The following ZNF416 variants were observed in gnomAD, a reference collection of about 807,000 sequenced individuals.
ZNF416 encodes zinc finger protein 416.
A neutral mutation model predicts 10.9 loss-of-function variants in ZNF416; 5 were observed. The ratio of observed to expected loss-of-function variants is 0.46; its 90% confidence interval spans 0.24 to 0.97. The LOEUF is 0.97. ZNF416 is among the 50% of genes least tolerant of loss of function. ZNF416 has a pLI of 0.19. For synonymous variants in ZNF416, 267 were observed against 251.8 expected (o/e 1.06, Z -0.57); for missense variants, 675 against 715.0 (o/e 0.94, Z 0.64).
chr19:57,572,224 T>C lies in ZNF416; in HGVS notation c.1680A>G (p.Thr560=), dbSNP rs368404519. The C allele has an allele frequency of 6.2e-7, 1 of 1,614,220 alleles. No individual in the cohort carries two copies. Among genetic ancestry groups the C allele is most frequent in the Non-Finnish European group, 8.5e-7 (1 of 1,180,042 alleles). ...GGTGGAGAATGAGGCCAGAGTGTTG[T>C]GTAAAGGACTTCCCACATTTGCCAC... ...YECGKCGKSF[T]QHSGLILHRK... is the part of the protein sequence containing the mutation. Residue 560 remains threonine, a synonymous_variant, in exon 4 of 4, where the codon ACA becomes ACG. Coordinates refer to ENST00000196489, the MANE Select transcript of ZNF416 (RefSeq NM_017879.3). This position sits in a 1 kb window ranked among gnomAD's most constrained non-coding sequence, Gnocchi z 4.5.
intron 2 of ZNF416, among the ~76,000 whole-genome samples, chr19:57,576,374 T>A (rs533676566): frequency 1.4e-4 from 22 of 152,202 alleles, no homozygotes; most frequent in African/African-American, 5.3e-4. Flanking sequence ...CCACGGCTAT[T>A]TCCACCCTGT....
rs539271032 is a variant in ZNF416, at chr19:57,573,761, T to C, written c.203-60A>G. 38 of 1,530,368 alleles carry C rather than the reference T, an allele frequency of 2.5e-5. No individual in the cohort carries two copies. In the South Asian group the frequency reaches 4.7e-4, roughly 19 times the overall value. The allele number at this position is 1,530,368 out of a possible 1,614,324, so 94.8% of individuals were successfully genotyped here. ...GACTATGATGGGAGTGTATTAGTCA[T>C]TTAAAAAACTATTTTCTGAATAATT... On this transcript the variant is annotated intron_variant, in intron 3 of 3. Transcript: ENST00000196489.
In ZNF416 at chr19:57,572,586, A is replaced by T; in HGVS notation, c.1318T>A (p.Cys440Ser). 6.2e-7 allele frequency: 1 copy of T among 1,613,990 alleles called. No individual in the cohort carries two copies. Among genetic ancestry groups the T allele is most frequent in the Non-Finnish European group, 8.5e-7 (1 of 1,179,988 alleles). Residue 440 changes from cysteine to serine, a missense_variant, in exon 4 of 4, where the codon TGT becomes AGT. Cys to Ser is a moderately radical substitution (Grantham distance 112, BLOSUM62 -1). Coordinates refer to ENST00000196489, the MANE Select transcript of ZNF416 (RefSeq NM_017879.3). The surrounding 1 kb of genome is among the most constrained non-coding windows in gnomAD (Gnocchi z 4.5). ...CTAAAGGATTTTCCGCACTCATCAC[A>T]CTCAAAGGGCCTAGCTCCACTGTGA... ...LIHSGARPFE[C>S]DECGKSFSQR...
Position 57,572,606 on chromosome 19 carries a change from C to A in ZNF416, c.1298G>T (p.Ser433Ile), listed in dbSNP as rs1352762628. 1 of 1,613,898 alleles carries A rather than the reference C, an allele frequency of 6.2e-7. No individual in the cohort carries two copies. Among genetic ancestry groups the A allele is most frequent in the Non-Finnish European group, 8.5e-7 (1 of 1,180,034 alleles). ...ATCACACTCAAAGGGCCTAGCTCCA[C>A]TGTGAATTAACTGGTGCTGAATGAG... ...CGLIQHQLIH[S>I]GARPFECDEC... is the part of the protein sequence containing the mutation. The change falls in exon 4 of 4, where the codon AGT becomes ATT. Residue 433 changes from serine (S) to isoleucine (I), a missense_variant. Physicochemically the swap from Ser to Ile is moderately radical, Grantham distance 142. Transcript: ENST00000196489. This position sits in a 1 kb window ranked among gnomAD's most constrained non-coding sequence, Gnocchi z 4.5.
intron 3 of ZNF416, among the ~76,000 whole-genome samples, chr19:57,574,239 G>A (rs1978441103): frequency 2.6e-5 from 4 of 152,166 alleles, no homozygotes; most frequent in South Asian, 4.1e-4. Flanking sequence ...CCCAAGGTCA[G>A]GCAGGAGACA....
In ZNF416 at chr19:57,572,396, A is replaced by T. The variant is rs756238265; in HGVS notation, c.1508T>A (p.Phe503Tyr). The change falls in exon 4 of 4, where the codon TTT becomes TAT. Residue 503 changes from phenylalanine to tyrosine, a missense_variant. Phe to Tyr is a conservative substitution (Grantham distance 22). Coordinates refer to ENST00000196489, the MANE Select transcript of ZNF416 (RefSeq NM_017879.3). The surrounding 1 kb of genome is among the most constrained non-coding windows in gnomAD (Gnocchi z 4.5). The part of the protein sequence containing the change: ...PFECSECGKF[F>Y]RQSYTLVEHQ... Reference sequence around the variant, plus strand: ...TTCAACGAGGGTATAGCTTTGTCTAAAAAATTTCCCACATTCACTGCACTC... The same window carrying T: ...TTCAACGAGGGTATAGCTTTGTCTATAAAATTTCCCACATTCACTGCACTC... The T allele has an allele frequency of 3.7e-6, 6 of 1,614,228 alleles. No individual in the cohort carries two copies. The East Asian group carries it at 1.3e-4, about 36-fold the overall frequency.
intron 3 of ZNF416, among the ~76,000 whole-genome samples, chr19:57,574,178 TTCTATGTGA>T (rs1317217394): frequency 6.6e-6 from 1 of 152,172 alleles, no homozygotes; most frequent in Non-Finnish European, 1.5e-5. Context: ...CAATCACATT[TTCTATGTGA>T]CTTGGATGCT....
At position 57,578,813 on chromosome 19, in the gene ZNF416, C is replaced by T. The variant is rs916050177; in HGVS notation, c.-109G>A. The T allele has an allele frequency of 8.7e-7, 1 of 1,152,708 alleles. No homozygotes were observed. The highest frequency in any genetic ancestry group is 3.9e-5 in the Admixed American group (1 of 25,898). 71.4% of individuals were successfully genotyped at this position (1,152,708 alleles called of 1,614,324 possible). The stretch of plus-strand genomic sequence containing the variant: ...CACCGGCTGATGCGCAGCGGGGCGA[C>T]CCCCGCTCTGTGCCGGAGGCAGCGT... On this transcript the variant is annotated 5_prime_UTR_variant, in exon 1 of 4. Coordinates refer to ENST00000196489, the MANE Select transcript of ZNF416 (RefSeq NM_017879.3).
intron 1 of ZNF416, 108 bp from the exon 2 acceptor site, chr19:57,578,206 G>T (rs1428206893): frequency 9.0e-7 from 1 of 1,106,632 alleles, no homozygotes. Flanking sequence ...ACTTGGTGAT[G>T]ACTAAATTAT....
rs759457492 is a variant in ZNF416 at position 57,578,745 on chromosome 19, C to G, written c.-41G>C. ...GCGGGGCCGGGAGCGGCGGGCGACC[C>G]GGGGCGGGAACCCAGGCACGGCTGC... On this transcript the variant is annotated 5_prime_UTR_variant, in exon 1 of 4. Coordinates refer to ENST00000196489, the MANE Select transcript of ZNF416 (RefSeq NM_017879.3). 9 of 1,438,668 alleles carry G rather than the reference C, an allele frequency of 6.3e-6. No homozygotes were observed. The South Asian group carries it at 8.6e-5, about 14-fold the overall frequency. The allele number at this position is 1,438,668 out of a possible 1,614,324, so 89.1% of individuals were successfully genotyped here.
intron 3 of ZNF416, among the ~76,000 whole-genome samples, chr19:57,574,264 G>A (rs1309263152): frequency 6.6e-6 from 1 of 152,154 alleles, no homozygotes; most frequent in East Asian, 1.9e-4. Flanking sequence ...CGCCTAGTGA[G>A]CCCCTTTGCC....
Position 57,575,861 on chromosome 19 carries a change from G to C in ZNF416, c.145C>G (p.Gln49Glu), listed in dbSNP as rs372406877. The C allele has an allele frequency of 2.9e-5, 46 of 1,614,000 alleles. No homozygotes were observed. The highest frequency in any genetic ancestry group is 3.7e-5 in the Non-Finnish European group (44 of 1,180,026). Reference sequence around the variant, plus strand: ...ATCACATCGCGGTACAGGAGCCTCTGAGCCTCATCAAGGAGCCCCCATTCT... The same window carrying C: ...ATCACATCGCGGTACAGGAGCCTCTCAGCCTCATCAAGGAGCCCCCATTCT... Reference protein sequence around the residue: ...QEEWGLLDEAQRLLYRDVMLE... With the variant: ...QEEWGLLDEAERLLYRDVMLE... Residue 49 changes from glutamine (Q) to glutamate (E), a missense_variant, in exon 3 of 4, where the codon CAG becomes GAG. Transcript: ENST00000196489. The surrounding 1 kb of genome is among the most constrained non-coding windows in gnomAD (Gnocchi z 4.4).
Position 57,575,285 on chromosome 19 carries a change from C to T in ZNF416, c.202+519G>A, listed in dbSNP as rs1431076436. On this transcript the variant is annotated intron_variant, in intron 3 of 3. Transcript: ENST00000196489. The surrounding 1 kb of genome is among the most constrained non-coding windows in gnomAD (Gnocchi z 4.4). ...CTCTAGATGTGCCACTACTTGGGAC[C>T]TGAATGAAGCAAGTCCTAAGGGAAA... Among the ~76,000 whole-genome samples the T allele has an allele frequency of 6.6e-6, 1 of 152,154 alleles. No homozygotes were observed. The highest frequency in any genetic ancestry group is 2.4e-5 in the African/African-American group (1 of 41,448).
rs752041722 is a variant in ZNF416 at position 57,572,281 on chromosome 19, T to C, written c.1623A>G (p.Gln541=). Residue 541 remains glutamine (Q), a synonymous_variant, in exon 4 of 4, where the codon CAA becomes CAG. Transcript: ENST00000196489. This position sits in a 1 kb window ranked among gnomAD's most constrained non-coding sequence, Gnocchi z 4.5. ...ATGGCCTTTCTCCTGTGTGAACCAC[T>C]TGGTGTTGAATGAGGCTAGACTTTT... ...FIQKSSLIQH[Q]VVHTGERPYE... The C allele has an allele frequency of 6.2e-7, 1 of 1,613,806 alleles. No homozygotes were observed. The highest frequency in any genetic ancestry group is 1.1e-5 in the South Asian group (1 of 91,062).
In ZNF416 at chr19:57,573,115, G is replaced by C; in HGVS notation, c.789C>G (p.Val263=). Reference sequence around the variant, plus strand: ...ACTCATAAGGCCTTTCTCCAGGGTGGACTCTTTGCAGCTGAACAAGGGAGC... The same window carrying C: ...ACTCATAAGGCCTTTCTCCAGGGTGCACTCTTTGCAGCTGAACAAGGGAGC... ...CECSLVQLQR[V]HPGERPYECS... Residue 263 remains valine (V), a synonymous_variant, in exon 4 of 4, where the codon GTC becomes GTG. Transcript: ENST00000196489. 6.2e-7 allele frequency: 1 copy of C among 1,614,192 alleles called. No individual in the cohort carries two copies. Among genetic ancestry groups the C allele is most frequent in the Non-Finnish European group, 8.5e-7 (1 of 1,180,034 alleles).
chr19:57,574,389 C>A (rs926202110), intron 3 of ZNF416, among the ~76,000 whole-genome samples: 1 of 152,234 alleles, frequency 6.6e-6, no homozygotes, highest in Non-Finnish European at 1.5e-5. Flanking sequence ...CTTGCTTCTA[C>A]CTTCTGACCA....
At position 57,572,761 on chromosome 19, in the gene ZNF416, T is replaced by C. The variant is rs778244417; in HGVS notation, c.1143A>G (p.Pro381=). 9.3e-6 allele frequency: 15 copies of C among 1,613,656 alleles called. 1 individual carries two copies. The Admixed American group carries it at 1.8e-4, about 20-fold the overall frequency. The stretch of plus-strand genomic sequence containing the variant: ...ATTTCCCACATTCACCACACTCATA[T>C]GGCTTTTCTCCTGTGTGAGTTCTCT... The part of the protein sequence containing the change: ...RHQRTHTGEK[P]YECGECGKLF... The change falls in exon 4 of 4, where the codon CCA becomes CCG. Residue 381 remains proline (P), a synonymous_variant. Transcript: ENST00000196489. The surrounding 1 kb of genome is among the most constrained non-coding windows in gnomAD (Gnocchi z 4.5).
At position 57,572,142 on chromosome 19, in the gene ZNF416, T is replaced by A; in HGVS notation, c.1762A>T (p.Ser588Cys). 6.2e-7 allele frequency: 1 copy of A among 1,613,220 alleles called. No individual in the cohort carries two copies. Among genetic ancestry groups the A allele is most frequent in the Non-Finnish European group, 8.5e-7 (1 of 1,179,190 alleles). The change falls in exon 4 of 4, where the codon AGC (serine) becomes TGC (cysteine). Residue 588 changes from serine to cysteine, a missense_variant. Transcript: ENST00000196489. The surrounding 1 kb of genome is among the most constrained non-coding windows in gnomAD (Gnocchi z 4.5). ...AGTTAAACAATGTTAGATCTTGGGC[T>A]GTAGGGTTTTCCACATTTGCTGCTG... ...RDSSKCGKPY[S>C]PRSNIV
At position 57,575,051 on chromosome 19, in the gene ZNF416, G is replaced by A. The variant is rs139130363; in HGVS notation, c.202+753C>T. ...CCAGATGAAGCAATAAGCCAGCAAA[G>A]TGTCAAGGAAGAGGAAGAAAACATA... On this transcript the variant is annotated intron_variant, in intron 3 of 3. Transcript: ENST00000196489. The surrounding 1 kb of genome is among the most constrained non-coding windows in gnomAD (Gnocchi z 4.4). Among the ~76,000 whole-genome samples the A allele has an allele frequency of 2.6e-3, 397 of 152,278 alleles. 4 individuals carry two copies. The highest frequency in any genetic ancestry group is 9.2e-3 in the African/African-American group (381 of 41,544).
Sources: allele counts gnomAD v4.1 joint callset (sites outside exome capture counted in the v4.1 genomes callset), GRCh38; gene constraint gnomAD v4.1.1; non-coding constraint Gnocchi (gnomAD v3.1); transcripts MANE v1.5; gene names NCBI Gene and HGNC (gene_info 2026-07-23, HGNC 2026-07-21).